LTBP1: variants seen among roughly 807,000 people sequenced by gnomAD.
LTBP1 encodes latent-transforming growth factor beta-binding protein 1.
In LTBP1, 129 loss-of-function variants were observed where a neutral mutation model predicts 207.6. The observed-to-expected ratio is 0.62, with a 90% CI of 0.54 to 0.72. The LOEUF is 0.72. LTBP1 is among the 30% of genes least tolerant of loss of function. LTBP1 has a pLI of 0.00. For missense variants in LTBP1, 2,281 were observed against 2,217.2 expected (o/e 1.03, Z -0.58); for synonymous variants, 963 against 833.7 (o/e 1.16, Z -2.67).
At chr2:33,102,041 C>T (rs1001357064) in intron 3 of LTBP1, among the ~76,000 whole-genome samples, 4 of 152,098 alleles carry the variant, frequency 2.6e-5, no homozygotes, top group Non-Finnish European at 5.9e-5. Context: ...TATAGGGCCA[C>T]CTCTCTGGCC....
In LTBP1 at chr2:32,947,494, C is replaced by T; in HGVS notation, c.170C>T (p.Ala57Val). The change falls in exon 1 of 34, where the codon GCG (alanine) becomes GTG (valine). Residue 57 changes from alanine to valine, a missense_variant. By Grantham distance (64) the Ala-to-Val change is moderately conservative. Transcript: ENST00000404816. ...CCGCGTTCGCGGACATTCAACGTCGCGCTCAACGCCAGGTACAGCCGCAGC... is the reference window on the plus strand; with the variant it reads ...CCGCGTTCGCGGACATTCAACGTCGTGCTCAACGCCAGGTACAGCCGCAGC... The part of the protein sequence containing the change: ...GPPRSRTFNV[A>V]LNARYSRSSA... The T allele has an allele frequency of 1.4e-6, 2 of 1,440,724 alleles. No homozygotes were observed. Among genetic ancestry groups the T allele is most frequent in the Non-Finnish European group, 9.1e-7 (1 of 1,100,644 alleles). 89.2% of individuals were successfully genotyped at this position (1,440,724 alleles called of 1,614,324 possible).
At chr2:33,367,172 A>G (rs538175461) in intron 31 of LTBP1, among the ~76,000 whole-genome samples, 2 of 152,206 alleles carry the variant, frequency 1.3e-5, no homozygotes, top group Admixed American at 6.5e-5. Flanking sequence ...TATGTCATCA[A>G]TCTAAGCTAC....
At chr2:33,365,655 C>A in intron 31 of LTBP1, 152 bp downstream of exon 31, 1 of 534,208 alleles carries the variant, frequency 1.9e-6, no homozygotes, top group Non-Finnish European at 2.9e-6. Context: ...GTGTGTAGGG[C>A]AGAACTGCAT....
intron 26 of LTBP1, among the ~76,000 whole-genome samples, chr2:33,354,764 C>T (rs943189528): frequency 6.6e-6 from 1 of 151,412 alleles, no homozygotes; most frequent in African/African-American, 2.4e-5. Context: ...TTTTTTGAGA[C>T]AGGATCTCGC....
At chr2:33,050,130 A>T (rs961308089) in intron 3 of LTBP1, among the ~76,000 whole-genome samples, 9 of 144,628 alleles carry the variant, frequency 6.2e-5, no homozygotes, top group Admixed American at 1.4e-4. Flanking sequence ...AGGCGTAAGC[A>T]TTTTTTTTTT....
intron 4 of LTBP1, among the ~76,000 whole-genome samples, chr2:33,132,419 T>C (rs2081868638): frequency 6.6e-6 from 1 of 152,194 alleles, no homozygotes; most frequent in African/African-American, 2.4e-5. Context: ...TAAAGTTTGA[T>C]TGGAACACAG....
intron 5 of LTBP1, among the ~76,000 whole-genome samples, chr2:33,185,562 C>T (rs1238024768): frequency 1.3e-5 from 2 of 151,762 alleles, no homozygotes; most frequent in Non-Finnish European, 2.9e-5. Context: ...AACCTTAACA[C>T]ACATCAGTAT....
In LTBP1 at chr2:33,252,801, G is replaced by C. The variant is rs1469662008; in HGVS notation, c.2124G>C (p.Lys708Asn). The change falls in exon 11 of 34, where the codon AAG becomes AAC. Residue 708 changes from lysine to asparagine, a missense_variant. Lys to Asn is a moderately conservative substitution (Grantham distance 94). Transcript: ENST00000404816. ...TKQLCCCSVG[K>N]AWGPHCEKCP... ...AGCTCTGCTGTTGTAGTGTGGGCAA[G>C]GCCTGGGGCCCACACTGTGAGAAAT... 4 of 1,613,218 alleles carry C rather than the reference G, an allele frequency of 2.5e-6. No individual in the cohort carries two copies. Among genetic ancestry groups the C allele is most frequent in the Non-Finnish European group, 3.4e-6 (4 of 1,179,400 alleles).
At chr2:32,956,234 ACT>A (rs1678052366) in intron 2 of LTBP1, among the ~76,000 whole-genome samples, 1 of 151,640 alleles carries the variant, frequency 6.6e-6, no homozygotes, top group Non-Finnish European at 1.5e-5. Flanking sequence ...GCACTAATTG[ACT>A]CTTCCTTTCG....
At chr2:33,259,791 G>C (rs1038005854) in intron 13 of LTBP1, among the ~76,000 whole-genome samples, 181 bp downstream of exon 13, 1 of 151,996 alleles carries the variant, frequency 6.6e-6, no homozygotes, top group African/African-American at 2.4e-5. Context: ...CATAGATTGG[G>C]ACTCTTCTCA....
At chr2:33,007,333 A>G (rs534633857) in intron 2 of LTBP1, among the ~76,000 whole-genome samples, 2 of 152,330 alleles carry the variant, frequency 1.3e-5, no homozygotes, top group East Asian at 3.9e-4. Context: ...CTTGGATTGC[A>G]TTTCTTCTAG....
intron 3 of LTBP1, among the ~76,000 whole-genome samples, chr2:33,075,490 C>A (rs1202282576): frequency 6.6e-6 from 1 of 152,186 alleles, no homozygotes; most frequent in Non-Finnish European, 1.5e-5. Flanking sequence ...GCTGCAAAAA[C>A]CATCTATTTG....
At chr2:33,123,717 T>A (rs1034776740) in intron 4 of LTBP1, among the ~76,000 whole-genome samples, 4 of 152,338 alleles carry the variant, frequency 2.6e-5, no homozygotes, top group Middle Eastern at 3.4e-3. Context: ...GGCTTCTTTG[T>A]CCCAGCAAAG....
intron 5 of LTBP1, among the ~76,000 whole-genome samples, chr2:33,149,442 T>G (rs1288403696): frequency 2.0e-5 from 3 of 152,152 alleles, no homozygotes; most frequent in African/African-American, 7.2e-5. Flanking sequence ...CTCAAGATTG[T>G]TCTGTAGATG....
intron 7 of LTBP1, among the ~76,000 whole-genome samples, chr2:33,212,077 A>G (rs542763500): frequency 1.8e-4 from 28 of 152,314 alleles, no homozygotes; most frequent in African/African-American, 6.5e-4. Flanking sequence ...TATTGCTTAT[A>G]ATAATTTTGT....
chr2:33,333,929 A>G (rs1218557267), intron 24 of LTBP1, among the ~76,000 whole-genome samples: 1 of 152,176 alleles, frequency 6.6e-6, no homozygotes, highest in Non-Finnish European at 1.5e-5. Flanking sequence ...GTCAAGTAAA[A>G]GAGACCCTGT....
intron 3 of LTBP1, among the ~76,000 whole-genome samples, chr2:33,025,768 T>G (rs1206303543): frequency 6.6e-6 from 1 of 152,194 alleles, no homozygotes; most frequent in African/African-American, 2.4e-5. Context: ...GGTTGAGGTA[T>G]AGAGGTAATA....
intron 3 of LTBP1, among the ~76,000 whole-genome samples, chr2:33,029,163 A>G (rs1215317570): frequency 6.6e-6 from 1 of 152,180 alleles, no homozygotes; most frequent in African/African-American, 2.4e-5. Context: ...CTTTGAATAG[A>G]ATTTATCCTG....
chr2:33,353,710 G>T (rs2094814381), intron 26 of LTBP1, among the ~76,000 whole-genome samples: 1 of 152,076 alleles, frequency 6.6e-6, no homozygotes, highest in South Asian at 2.1e-4. Context: ...AGTTAAATTA[G>T]AAGAGGTTAA....
Sources: allele counts gnomAD v4.1 joint callset (sites outside exome capture counted in the v4.1 genomes callset), GRCh38; gene constraint gnomAD v4.1.1; transcripts MANE v1.5; gene names NCBI Gene and HGNC (gene_info 2026-07-23, HGNC 2026-07-21).